RBM24: variants seen among roughly 807,000 people sequenced by gnomAD.
RBM24 encodes RNA binding motif protein 24, also known as RNA-binding protein 24.
RBM24 carries 5 observed loss-of-function variants against 23.6 expected under a neutral mutation model. That is an observed-to-expected ratio of 0.21 (90% CI 0.11 to 0.45). The LOEUF (loss-of-function observed/expected upper bound fraction) is 0.45. Among genes scored for constraint, RBM24 ranks in the 20% least tolerant of loss-of-function variants. The pLI, the probability that RBM24 is intolerant of heterozygous loss-of-function variation, is 0.99. For synonymous variants in RBM24, 151 were observed against 129.5 expected, an observed-to-expected ratio of 1.17 and a Z score of -1.13; for missense variants, 252 against 314.6, an observed-to-expected ratio of 0.80 and a Z score of 1.51.
In RBM24 at chr6:17,293,689, G is replaced by A. The variant is rs1760437477; in HGVS notation, c.*1570G>A. The A allele has an allele frequency of 6.6e-6, 1 of 152,508 alleles. No individual in the cohort carries two copies. The highest frequency in any genetic ancestry group is 6.5e-5 in the Admixed American group (1 of 15,268). The allele number at this position is 152,508 out of a possible 1,614,324, so 9.4% of individuals were successfully genotyped here. A position where few individuals can be genotyped will look rare whatever the true frequency, so the allele number is the denominator to read the frequency against. ...AACAATTTCATACAAGGGAAGACAG[G>A]TTAGCATTTTTATGGACTTTCTCCA... On this transcript the variant is annotated 3_prime_UTR_variant, in exon 4 of 4. Coordinates refer to ENST00000379052, the MANE Select transcript of RBM24 (RefSeq NM_001143942.2).
chr6:17,292,008 A>G lies in RBM24; in HGVS notation c.600A>G (p.Pro200=), dbSNP rs779013217. The change falls in exon 4 of 4, where the codon CCA becomes CCG. Residue 200 remains proline, a synonymous_variant. Transcript: ENST00000379052. ...AGGYGYAVQQ[P]ITAAAPGTAA... ...GCTATGGCTACGCAGTCCAGCAGCC[A>G]ATCACCGCAGCGGCACCTGGGACAG... The G allele has an allele frequency of 6.2e-7, 1 of 1,606,172 alleles. No individual in the cohort carries two copies. Among genetic ancestry groups the G allele is most frequent in the Non-Finnish European group, 8.5e-7 (1 of 1,179,130 alleles).
chr6:17,284,973 T>G, intron 3 of RBM24: 1 of 332,594 alleles, frequency 3.0e-6, no homozygotes, highest in Non-Finnish European at 5.4e-6. Context: ...GTATGACTTG[T>G]GTACAAGACG....
At chr6:17,282,967 A>T (rs1760075587) in intron 2 of RBM24, 39 bp downstream of exon 2, 1 of 1,459,326 alleles carries the variant, frequency 6.9e-7, no homozygotes, top group Non-Finnish European at 9.6e-7. Flanking sequence ...CTCTCCAAGA[A>T]CCCCCCATTT....
chr6:17,282,273 A>T (rs1472838532), intron 1 of RBM24: 1 of 1,281,814 alleles, frequency 7.8e-7, no homozygotes, highest in Non-Finnish European at 1.0e-6. Context: ...GAAACAGAGC[A>T]TATTAAGCTT....
At chr6:17,283,553 G>C (rs1324644620) in intron 2 of RBM24, among the ~76,000 whole-genome samples, 2 of 152,152 alleles carry the variant, frequency 1.3e-5, no homozygotes, top group Non-Finnish European at 2.9e-5. Context: ...AAGTAGCTGG[G>C]ATTACAGGAA....
At chr6:17,282,342 A>G (rs751437748) in intron 1 of RBM24, 1 of 920,792 alleles carries the variant, frequency 1.1e-6, no homozygotes, top group South Asian at 1.4e-5. Flanking sequence ...GCCCCAGAGT[A>G]GGACAATAGC....
In RBM24 at chr6:17,282,906, A is replaced by G. The variant is rs773131289; in HGVS notation, c.270A>G (p.Ala90=). The G allele has an allele frequency of 1.2e-6, 2 of 1,614,112 alleles. No individual in the cohort carries two copies. The highest frequency in any genetic ancestry group is 2.2e-5 in the South Asian group (2 of 91,078). ...KANVNLAYLG[A]KPRIMQPGFA... Reference sequence around the variant, plus strand: ...ACGTGAACCTGGCATACTTAGGAGCAAAACCAAGGATCATGCAACCAGGTG... The same window carrying G: ...ACGTGAACCTGGCATACTTAGGAGCGAAACCAAGGATCATGCAACCAGGTG... The change falls in exon 2 of 4, where the codon GCA becomes GCG. Residue 90 remains alanine, a synonymous_variant. Transcript: ENST00000379052.
intron 3 of RBM24, chr6:17,289,429 G>C (rs998589621): frequency 1.0e-6 from 1 of 985,258 alleles, no homozygotes; most frequent in African/African-American, 1.7e-5. Context: ...TGATAATCCA[G>C]TGAACTTTCT....
intron 3 of RBM24, chr6:17,288,014 A>G (rs1760247553): frequency 6.5e-6 from 1 of 153,038 alleles, no homozygotes; most frequent in South Asian, 2.1e-4. Flanking sequence ...TTGTAATGAT[A>G]AGGGATTTAC....
At chr6:17,289,556 TTTCTCC>T in intron 3 of RBM24, 1 of 985,446 alleles carries the variant, frequency 1.0e-6, no homozygotes, top group Non-Finnish European at 1.2e-6. Flanking sequence ...TTCACAACAC[TTTCTCC>T]TTTTTGTAGG....
chr6:17,290,699 AGAGT>A, intron 3 of RBM24: 1 of 393,218 alleles, frequency 2.5e-6, no homozygotes, highest in Non-Finnish European at 4.8e-6. Flanking sequence ...GGATGAAACA[AGAGT>A]TAGTAGATGT....
At chr6:17,285,902 C>T (rs768738484) in intron 3 of RBM24, among the ~76,000 whole-genome samples, 8 of 152,100 alleles carry the variant, frequency 5.3e-5, no homozygotes, top group Non-Finnish European at 8.8e-5. Context: ...GTAACTCTAA[C>T]GCAGGATACT....
rs1760055917 is a variant in RBM24 at position 17,282,543 on chromosome 6, A to G, written c.169-262A>G. On this transcript the variant is annotated intron_variant, in intron 1 of 3. Coordinates refer to ENST00000379052, the MANE Select transcript of RBM24 (RefSeq NM_001143942.2). ...GCTAGGCCCTACTAACACCCTTAAG[A>G]TTTCGGCGGTGGGGTGGGGGGAGGC... is the stretch of plus-strand genomic sequence containing the variant. 15 of 516,726 alleles carry G rather than the reference A, an allele frequency of 2.9e-5. No individual in the cohort carries two copies. The South Asian group carries it at 3.2e-4, about 11-fold the overall frequency. 32.0% of individuals were successfully genotyped at this position (516,726 alleles called of 1,614,324 possible). A position where few individuals can be genotyped will look rare whatever the true frequency, so the allele number is the denominator to read the frequency against.
chr6:17,281,883 CG>C lies in RBM24; in HGVS notation c.168+138del, dbSNP rs1460212327. The C allele has an allele frequency of 1.5e-6, 2 of 1,360,636 alleles. No individual in the cohort carries two copies. The highest frequency in any genetic ancestry group is 2.0e-6 in the Non-Finnish European group (2 of 1,000,728). 84.3% of individuals were successfully genotyped at this position (1,360,636 alleles called of 1,614,324 possible). On this transcript the variant is annotated intron_variant, in intron 1 of 3. Transcript: ENST00000379052. This position sits in a 1 kb window ranked among gnomAD's most constrained non-coding sequence, Gnocchi z 7.1. ...GTAGAGCGGCGCTGCCCCTTCGCTC[CG>C]GGGTGAACTGAAACTTTGCTAGGGG... is the stretch of plus-strand genomic sequence containing the variant.
At chr6:17,284,529 A>G (rs3763175) in intron 2 of RBM24, 128 bp from the exon 3 acceptor site, 51,900 of 642,782 alleles carry the variant, frequency 0.081, 2,489 homozygotes, top group East Asian at 0.17. Flanking sequence ...ATACATACAT[A>G]TAGTTTCTTT....
In RBM24 at chr6:17,288,865, C is replaced by G. The variant is rs1053020526; in HGVS notation, c.348-2891C>G. 2.5e-5 allele frequency: 25 copies of G among 985,312 alleles called. No homozygotes were observed. The African/African-American group carries it at 4.0e-4, about 16-fold the overall frequency. The allele number at this position is 985,312 out of a possible 1,614,324, so 61.0% of individuals were successfully genotyped here. On this transcript the variant is annotated intron_variant, in intron 3 of 3. Transcript: ENST00000379052. ...AATGCCAAGGCTTAAGAAATTTGCA[C>G]TGAGTTTGGTTTTTTAGGGGCCAAG...
chr6:17,285,587 T>C (rs1320380768), intron 3 of RBM24, among the ~76,000 whole-genome samples: 1 of 152,236 alleles, frequency 6.6e-6, no homozygotes, highest in Non-Finnish European at 1.5e-5. Flanking sequence ...GGTTCTTTCT[T>C]TTGCAATGTG....
Position 17,281,862 on chromosome 6 carries a change from A to C in RBM24, c.168+113A>C. ...GACCCGTGAGGAGCCCCGCGGGTAG[A>C]GCGGCGCTGCCCCTTCGCTCCGGGG... On this transcript the variant is annotated intron_variant, in intron 1 of 3. Transcript: ENST00000379052. This position sits in a 1 kb window ranked among gnomAD's most constrained non-coding sequence, Gnocchi z 7.1. 7.1e-7 allele frequency: 1 copy of C among 1,404,950 alleles called. No individual in the cohort carries two copies. Among genetic ancestry groups the C allele is most frequent in the Non-Finnish European group, 9.7e-7 (1 of 1,029,918 alleles). The allele number at this position is 1,404,950 out of a possible 1,614,324, so 87.0% of individuals were successfully genotyped here. A position where few individuals can be genotyped will look rare whatever the true frequency, so the allele number is the denominator to read the frequency against.
intron 1 of RBM24, chr6:17,282,285 C>T (rs1431410242): frequency 1.6e-6 from 2 of 1,274,112 alleles, no homozygotes; most frequent in South Asian, 2.5e-5. Context: ...ATTAAGCTTC[C>T]TTCCTAGAGA....
Sources: gnomAD v4.1 joint callset for allele counts (sites outside exome capture counted in the v4.1 genomes callset) on GRCh38, gnomAD v4.1.1 for gene constraint, Gnocchi (gnomAD v3.1) non-coding constraint, MANE v1.5 for transcripts, NCBI Gene and HGNC (gene_info 2026-07-23, HGNC 2026-07-21) for gene names.